Variants in PALLD observed in about 807,000 individuals in gnomAD.
PALLD encodes the protein palladin.
PALLD carries 61 observed loss-of-function variants against 123.5 expected under a neutral mutation model. The observed-to-expected ratio is 0.49, with a 90% CI of 0.40 to 0.61. The LOEUF is 0.61. PALLD is among the 20% of genes least tolerant of loss of function. PALLD has a pLI of 0.00. For missense variants in PALLD, 1,273 were observed against 1,377.0 expected, an observed-to-expected ratio of 0.92 and a Z score of 1.20; for synonymous variants, 465 against 496.4, an observed-to-expected ratio of 0.94 and a Z score of 0.84.
chr4:168,739,468 C>A (rs1436691728), intron 10 of PALLD, among the ~76,000 whole-genome samples: 2 of 152,080 alleles, frequency 1.3e-5, no homozygotes, highest in African/African-American at 2.4e-5. Context: ...GTGAAAACAT[C>A]AGTTAGAAAA....
At chr4:168,587,413 A>G (rs1440060758) in intron 2 of PALLD, among the ~76,000 whole-genome samples, 1 of 152,216 alleles carries the variant, frequency 6.6e-6, no homozygotes, top group African/African-American at 2.4e-5. Flanking sequence ...GGAACTGTTT[A>G]TGTCATTCAG....
intron 2 of PALLD, among the ~76,000 whole-genome samples, chr4:168,636,555 C>T (rs1460137809): frequency 6.6e-6 from 1 of 152,128 alleles, no homozygotes; most frequent in African/African-American, 2.4e-5. Flanking sequence ...GCAAGCAGCC[C>T]TCACAATTCT....
chr4:168,721,654 T>C (rs993912421), intron 10 of PALLD, among the ~76,000 whole-genome samples: 1 of 152,220 alleles, frequency 6.6e-6, no homozygotes, highest in Admixed American at 6.5e-5. Flanking sequence ...ATAGGTACTT[T>C]TGATCCTTTC....
At chr4:168,914,067 T>G in intron 16 of PALLD, 46 bp downstream of exon 16, 1 of 1,109,464 alleles carries the variant, frequency 9.0e-7, no homozygotes, top group Admixed American at 1.7e-5. Flanking sequence ...ATTTTATTTA[T>G]TACTATAAAT....
At chr4:168,774,643 G>A (rs1408564729) in intron 10 of PALLD, among the ~76,000 whole-genome samples, 1 of 149,376 alleles carries the variant, frequency 6.7e-6, no homozygotes, top group Non-Finnish European at 1.5e-5. Flanking sequence ...CATGAGAATT[G>A]CGTGAACCTG....
At chr4:168,909,894 A>G (rs189244320) in intron 15 of PALLD, among the ~76,000 whole-genome samples, 3 of 152,262 alleles carry the variant, frequency 2.0e-5, no homozygotes, top group African/African-American at 7.2e-5. Context: ...AAATGACAAA[A>G]TTATACAACT....
At chr4:168,771,732 C>T (rs1308675137) in intron 10 of PALLD, among the ~76,000 whole-genome samples, 1 of 152,144 alleles carries the variant, frequency 6.6e-6, no homozygotes, top group African/African-American at 2.4e-5. Context: ...CTGATTCCCT[C>T]AAGGCGACTC....
At chr4:168,770,567 G>A (rs1166762777) in intron 10 of PALLD, among the ~76,000 whole-genome samples, 1 of 152,200 alleles carries the variant, frequency 6.6e-6, no homozygotes, top group African/African-American at 2.4e-5. Context: ...GGTTTTCATA[G>A]AGCATTCAGA....
intron 2 of PALLD, among the ~76,000 whole-genome samples, chr4:168,634,605 G>A (rs1292724797): frequency 6.6e-6 from 1 of 152,140 alleles, no homozygotes; most frequent in Non-Finnish European, 1.5e-5. Flanking sequence ...GGGAGTGGAG[G>A]CTCCCTCAGA....
At chr4:168,818,442 T>A (rs1742271611) in intron 10 of PALLD, among the ~76,000 whole-genome samples, 2 of 152,010 alleles carry the variant, frequency 1.3e-5, no homozygotes, top group African/African-American at 4.8e-5. Flanking sequence ...TACAAAAAAA[T>A]ATTTCGAAAA....
At chr4:168,534,613 CTTT>C (rs1181073677) in intron 2 of PALLD, among the ~76,000 whole-genome samples, 1 of 152,126 alleles carries the variant, frequency 6.6e-6, no homozygotes, top group South Asian at 2.1e-4. Flanking sequence ...TCATTTTTGG[CTTT>C]TTGTATCTTC....
intron 2 of PALLD, among the ~76,000 whole-genome samples, chr4:168,518,029 A>ACTT (rs34196612): frequency 0.74 from 112,187 of 151,672 alleles, 41,700 homozygotes; most frequent in East Asian, 0.86. Context: ...CGAAAACTAA[A>ACTT]CTGATTCTCC....
chr4:168,803,141 T>C (rs1739605312), intron 10 of PALLD, among the ~76,000 whole-genome samples: 1 of 152,176 alleles, frequency 6.6e-6, no homozygotes, highest in Non-Finnish European at 1.5e-5. Context: ...GGGTAATTTA[T>C]GAAGAAGAGA....
chr4:168,690,287 T>C (rs1782494472), intron 6 of PALLD, among the ~76,000 whole-genome samples: 1 of 152,222 alleles, frequency 6.6e-6, no homozygotes, highest in Admixed American at 6.5e-5. Flanking sequence ...ATAAAGAAAG[T>C]TAACATTGGT....
At position 168,890,918 on chromosome 4, in the gene PALLD, G is replaced by A. The variant is rs1452592306; in HGVS notation, c.1965-4G>A. 1 of 1,613,788 alleles carries A rather than the reference G, an allele frequency of 6.2e-7. No homozygotes were observed. The highest frequency in any genetic ancestry group is 1.3e-5 in the African/African-American group (1 of 74,896). The stretch of plus-strand genomic sequence containing the variant: ...CTATACTGCCTTGTGTTTTTATCCT[G>A]CAGAGGATTTCCAAAGAAGGCCAGT... On this transcript the variant is annotated splice_region_variant and splice_polypyrimidine_tract_variant and intron_variant, in intron 10 of 21. Coordinates refer to ENST00000505667, the MANE Select transcript of PALLD (RefSeq NM_001166108.2).
chr4:168,850,206 C>T (rs1213706586), intron 10 of PALLD, among the ~76,000 whole-genome samples: 1 of 152,074 alleles, frequency 6.6e-6, no homozygotes, highest in African/African-American at 2.4e-5. Flanking sequence ...CTCGCGAGGC[C>T]TCAGCCCTCC....
chr4:168,625,416 C>CA (rs1775139510), intron 2 of PALLD, among the ~76,000 whole-genome samples: 1 of 125,992 alleles, frequency 7.9e-6, no homozygotes, highest in African/African-American at 2.6e-5. Flanking sequence ...TATCAAAGGA[C>CA]AAAATCAACA....
intron 2 of PALLD, among the ~76,000 whole-genome samples, chr4:168,641,353 C>T (rs908951453): frequency 5.3e-5 from 8 of 152,084 alleles, no homozygotes; most frequent in African/African-American, 1.9e-4. Context: ...CTTGAAGAAA[C>T]CCTCTCCTAA....
intron 10 of PALLD, among the ~76,000 whole-genome samples, chr4:168,740,789 T>A (rs1235201811): frequency 6.6e-6 from 1 of 152,242 alleles, no homozygotes; most frequent in East Asian, 1.9e-4. Context: ...GCCAGTTATA[T>A]GAAATGGATA....
Sources: allele counts gnomAD v4.1 joint callset (sites outside exome capture counted in the v4.1 genomes callset), GRCh38; gene constraint gnomAD v4.1.1; transcripts MANE v1.5; gene names NCBI Gene and HGNC (gene_info 2026-07-23, HGNC 2026-07-21).